Variants in SGCZ observed in about 807,000 individuals in gnomAD.
SGCZ encodes the protein zeta-sarcoglycan.
In SGCZ, 40 loss-of-function variants were observed where a neutral mutation model predicts 41.3. That is an observed-to-expected ratio of 0.97 (90% CI 0.75 to 1.26). SGCZ has a LOEUF of 1.26. Ranked by LOEUF, SGCZ falls within the 50% of genes most tolerant of loss-of-function variation. SGCZ has a pLI of 0.00. For missense variants in SGCZ, 552 were observed against 369.8 expected (o/e 1.49, Z -4.04); for synonymous variants, 206 against 137.5 (o/e 1.50, Z -3.49).
chr8:15,053,338 G>A (rs1804586460), intron 1 of SGCZ, among the ~76,000 whole-genome samples: 2 of 150,994 alleles, frequency 1.3e-5, no homozygotes, highest in African/African-American at 2.4e-5. Flanking sequence ...ACTAGATAAA[G>A]AATCTACACT....
intron 3 of SGCZ, among the ~76,000 whole-genome samples, chr8:14,242,329 T>G (rs568659219): frequency 1.3e-5 from 2 of 152,288 alleles, no homozygotes; most frequent in Non-Finnish European, 1.5e-5. Flanking sequence ...CTCTAAATAC[T>G]TTACATATAT....
At chr8:14,568,407 G>T (rs1042513724) in intron 1 of SGCZ, among the ~76,000 whole-genome samples, 2 of 60,880 alleles carry the variant, frequency 3.3e-5, no homozygotes, top group East Asian at 4.7e-4. Flanking sequence ...AAGAAAGAAA[G>T]AATTGATCGT....
chr8:14,157,355 T>TGA lies in SGCZ; in HGVS notation c.547+7224_547+7225insTC, dbSNP rs1429681287. Reference sequence around the variant, plus strand: ...ATGCCTCTGTGTGTGTGTGTGTGTGTGTGTGTGTGAGTGTGTGTGTGTGTG... The same window carrying TGA: ...ATGCCTCTGTGTGTGTGTGTGTGTGTGAGTGTGTGTGAGTGTGTGTGTGTGTG... On this transcript the variant is annotated intron_variant, in intron 5 of 7. Coordinates refer to ENST00000382080, the MANE Select transcript of SGCZ (RefSeq NM_139167.4). Among the ~76,000 whole-genome samples, 39 of 132,696 alleles carry TGA rather than the reference T, an allele frequency of 2.9e-4. No individual in the cohort carries two copies. The East Asian group carries it at 3.7e-3, about 12-fold the overall frequency. 87.1% of individuals were successfully genotyped at this position (132,696 alleles called of 152,430 possible). A position where few individuals can be genotyped will look rare whatever the true frequency, so the allele number is the denominator to read the frequency against.
intron 1 of SGCZ, among the ~76,000 whole-genome samples, chr8:15,206,053 G>T (rs916911279): frequency 2.0e-5 from 3 of 152,070 alleles, no homozygotes; most frequent in Non-Finnish European, 4.4e-5. Context: ...GGAGGGAGAG[G>T]AGCAGAAACA....
chr8:15,064,752 G>C (rs1039820293), intron 1 of SGCZ, among the ~76,000 whole-genome samples: 1 of 152,072 alleles, frequency 6.6e-6, no homozygotes, highest in Non-Finnish European at 1.5e-5. Context: ...GGGGATCAGT[G>C]AGATAGATTT....
chr8:14,956,140 A>G (rs2130844175), intron 1 of SGCZ, among the ~76,000 whole-genome samples: 1 of 150,640 alleles, frequency 6.6e-6, no homozygotes, highest in African/African-American at 2.4e-5. Flanking sequence ...CCTGGGTTCA[A>G]GCGAATCTCC....
At chr8:14,411,932 G>C (rs993279104) in intron 2 of SGCZ, among the ~76,000 whole-genome samples, 1 of 152,060 alleles carries the variant, frequency 6.6e-6, no homozygotes, top group Non-Finnish European at 1.5e-5. Flanking sequence ...TGCTGAAGGA[G>C]GCTGACAGGA....
At chr8:14,423,651 T>G (rs1407781749) in intron 2 of SGCZ, among the ~76,000 whole-genome samples, 1 of 152,204 alleles carries the variant, frequency 6.6e-6, no homozygotes, top group African/African-American at 2.4e-5. Context: ...TGACTTCAGG[T>G]GATCCGCCTG....
At chr8:15,005,178 T>C (rs532089740) in intron 1 of SGCZ, among the ~76,000 whole-genome samples, 1 of 152,180 alleles carries the variant, frequency 6.6e-6, no homozygotes, top group African/African-American at 2.4e-5. Context: ...GTACAGTCTC[T>C]GAATGTGGAG....
At chr8:14,488,836 T>C (rs1266756689) in intron 2 of SGCZ, among the ~76,000 whole-genome samples, 1 of 152,152 alleles carries the variant, frequency 6.6e-6, no homozygotes, top group Non-Finnish European at 1.5e-5. Context: ...AATAACATTT[T>C]CCCCACCTCT....
In SGCZ at chr8:14,670,443, G is replaced by C. The variant is rs149089300; in HGVS notation, c.40-115517C>G. On this transcript the variant is annotated intron_variant, in intron 1 of 7. Transcript: ENST00000382080. ...AAATTGGTATGTTTCAAGGTGCCTG[G>C]AAAAGTTAATAATTGTGTTTGCAAG... Among the ~76,000 whole-genome samples, 817 of 152,192 alleles carry C rather than the reference G, an allele frequency of 5.4e-3. 4 individuals are homozygous for C. The highest frequency in any genetic ancestry group is 8.6e-3 in the Non-Finnish European group (585 of 68,004).
chr8:14,586,631 T>C (rs2117272998), intron 1 of SGCZ, among the ~76,000 whole-genome samples: 1 of 152,316 alleles, frequency 6.6e-6, no homozygotes, highest in African/African-American at 2.4e-5. Flanking sequence ...GATGCAAAGT[T>C]AGGCAAAGAA....
chr8:14,610,691 G>A (rs1403107492), intron 1 of SGCZ, among the ~76,000 whole-genome samples: 1 of 152,108 alleles, frequency 6.6e-6, no homozygotes, highest in Non-Finnish European at 1.5e-5. Context: ...CAGAAAATAT[G>A]TTTCATAAAA....
At chr8:15,108,227 T>C (rs938313132) in intron 1 of SGCZ, among the ~76,000 whole-genome samples, 2 of 152,240 alleles carry the variant, frequency 1.3e-5, no homozygotes, top group Admixed American at 6.5e-5. Context: ...CATTAAATTC[T>C]CTTGAAATTA....
At chr8:14,322,003 G>A (rs1000340382) in intron 3 of SGCZ, among the ~76,000 whole-genome samples, 1 of 152,002 alleles carries the variant, frequency 6.6e-6, no homozygotes, top group African/African-American at 2.4e-5. Flanking sequence ...TGACATTCAT[G>A]GACAAGTGAA....
chr8:14,166,155 A>C (rs1301064645), intron 4 of SGCZ, among the ~76,000 whole-genome samples: 1 of 152,180 alleles, frequency 6.6e-6, no homozygotes, highest in Non-Finnish European at 1.5e-5. Flanking sequence ...ATTAAAACTA[A>C]TGTTAAACTT....
chr8:14,847,126 A>AAAGAGGAAG (rs1554510854), intron 1 of SGCZ, among the ~76,000 whole-genome samples: 2 of 126,362 alleles, frequency 1.6e-5, no homozygotes, highest in Non-Finnish European at 3.3e-5. Flanking sequence ...GAAGAAGAAG[A>AAAGAGGAAG]AAGAAGAAGA....
intron 1 of SGCZ, among the ~76,000 whole-genome samples, chr8:15,216,467 A>C (rs1179834823): frequency 6.6e-6 from 1 of 151,760 alleles, no homozygotes; most frequent in Non-Finnish European, 1.5e-5. Flanking sequence ...TGATCTGCCC[A>C]CCTGGGGCTC....
intron 2 of SGCZ, among the ~76,000 whole-genome samples, chr8:14,512,937 G>T (rs576638535): frequency 6.6e-6 from 1 of 152,206 alleles, no homozygotes; most frequent in South Asian, 2.1e-4. Context: ...TGTAAGTGAG[G>T]AATGAAGCCT....
Sources: gnomAD v4.1 joint callset for allele counts (sites outside exome capture counted in the v4.1 genomes callset) on GRCh38, gnomAD v4.1.1 for gene constraint, MANE v1.5 for transcripts, NCBI Gene and HGNC (gene_info 2026-07-23, HGNC 2026-07-21) for gene names.